Variants in AOPEP observed in about 807,000 individuals in gnomAD.
AOPEP encodes aminopeptidase O (putative).
A neutral mutation model predicts 98.1 loss-of-function variants in AOPEP; 77 were observed. The ratio of observed to expected loss-of-function variants is 0.78; its 90% confidence interval spans 0.65 to 0.95. The LOEUF (loss-of-function observed/expected upper bound fraction) is 0.95. AOPEP is among the 40% of genes least tolerant of loss of function. The pLI is 0.00. For missense variants in AOPEP, 1,024 were observed against 1,024.7 expected (o/e 1.00, Z 0.01); for synonymous variants, 346 against 365.3 (o/e 0.95, Z 0.60).
At chr9:95,096,439 G>C in the AOPEP span, among the ~76,000 whole-genome samples, 1 of 152,148 alleles carries the variant, frequency 6.6e-6, no homozygotes, top group Admixed American at 6.5e-5. Flanking sequence ...GGTGGGTGCG[G>C]GAGGTGGGTG....
At chr9:95,060,288 C>T (rs2067215425) in intron 13 of AOPEP, among the ~76,000 whole-genome samples, 1 of 152,186 alleles carries the variant, frequency 6.6e-6, no homozygotes, top group African/African-American at 2.4e-5. Flanking sequence ...CATCTTAGTT[C>T]TGTGAAATTT....
chr9:95,029,629 G>A (rs1760724677), intron 13 of AOPEP, among the ~76,000 whole-genome samples: 1 of 152,122 alleles, frequency 6.6e-6, no homozygotes, highest in African/African-American at 2.4e-5. Flanking sequence ...TCCAGTATTT[G>A]TTGTCCTTCT....
At chr9:95,070,128 A>G (rs762089892) in intron 14 of AOPEP, among the ~76,000 whole-genome samples, 5 of 152,212 alleles carry the variant, frequency 3.3e-5, no homozygotes, top group Non-Finnish European at 7.3e-5. Flanking sequence ...GAGCAGGTAG[A>G]CGGCCTCCAC....
At chr9:94,831,479 G>A (rs1338487382) in intron 5 of AOPEP, among the ~76,000 whole-genome samples, 3 of 152,036 alleles carry the variant, frequency 2.0e-5, no homozygotes, top group African/African-American at 7.2e-5. Context: ...GTTTGAAGTT[G>A]GGTAGTGGGA....
At chr9:94,742,222 G>C (rs1833297317) in intron 1 of AOPEP, among the ~76,000 whole-genome samples, 1 of 152,094 alleles carries the variant, frequency 6.6e-6, no homozygotes, top group Non-Finnish European at 1.5e-5. Context: ...CATTGATTGG[G>C]TCGAGTTACA....
the AOPEP span, chr9:95,110,322 C>T: frequency 2.0e-6 from 2 of 1,016,458 alleles, no homozygotes; most frequent in Non-Finnish European, 2.4e-6. Context: ...TATCTACCAA[C>T]TTAGCTTATT....
chr9:95,051,065 T>C (rs543461198), intron 13 of AOPEP, among the ~76,000 whole-genome samples: 13 of 151,238 alleles, frequency 8.6e-5, no homozygotes, highest in Middle Eastern at 3.4e-3. Context: ...TATGTTGTTA[T>C]CTCTAAAATG....
intron 5 of AOPEP, among the ~76,000 whole-genome samples, chr9:94,813,095 A>G (rs1002023354): frequency 2.6e-5 from 4 of 152,116 alleles, no homozygotes; most frequent in Non-Finnish European, 4.4e-5. Context: ...AATAACATTG[A>G]TTAGTGATTG....
At chr9:95,098,379 A>C in the AOPEP span, among the ~76,000 whole-genome samples, 2 of 152,198 alleles carry the variant, frequency 1.3e-5, no homozygotes, top group East Asian at 3.9e-4. Context: ...ACCTTGTCCC[A>C]CCACTTAGAC....
chr9:95,002,517 A>G (rs1381664215), intron 11 of AOPEP, among the ~76,000 whole-genome samples: 2 of 152,238 alleles, frequency 1.3e-5, no homozygotes, highest in Non-Finnish European at 2.9e-5. Flanking sequence ...CTCAGTTATA[A>G]TAAATATACT....
chr9:94,793,013 T>G (rs1846075388), intron 4 of AOPEP, 95 bp downstream of exon 4: 18 of 1,362,458 alleles, frequency 1.3e-5, no homozygotes, highest in Non-Finnish European at 1.6e-5. Flanking sequence ...ATGTGAGTCA[T>G]TCCTGCTGAG....
At chr9:95,086,268 C>G (rs2070686388) in intron 16 of AOPEP, 2 of 1,211,258 alleles carry the variant, frequency 1.7e-6, no homozygotes, top group African/African-American at 1.6e-5. Flanking sequence ...CTTGGAAAAC[C>G]CTGTTGGCAG....
the AOPEP span, chr9:95,110,311 A>C: frequency 5.6e-4 from 566 of 1,015,418 alleles, no homozygotes; most frequent in Non-Finnish European, 6.5e-4. Context: ...AATTGAACAC[A>C]TATCTACCAA....
At position 94,858,433 on chromosome 9, in the gene AOPEP, A is replaced by G. The variant is rs76617936; in HGVS notation, c.1364+57431A>G. On this transcript the variant is annotated intron_variant, in intron 5 of 16. Coordinates refer to ENST00000375315, the MANE Select transcript of AOPEP (RefSeq NM_001193329.3). ...CAGTTCTGGAGACCAGAAGGCTGAA[A>G]TCAGTACGACCAGTAGGCTAAAATC... Among the ~76,000 whole-genome samples, 967 of 152,352 alleles carry G rather than the reference A, an allele frequency of 6.3e-3. 9 individuals are homozygous for G. Among genetic ancestry groups the G allele is most frequent in the African/African-American group, 0.022 (920 of 41,586 alleles).
At chr9:95,057,714 T>C (rs1200994226) in intron 13 of AOPEP, among the ~76,000 whole-genome samples, 4 of 152,238 alleles carry the variant, frequency 2.6e-5, no homozygotes, top group Non-Finnish European at 4.4e-5. Flanking sequence ...TCACTGATTT[T>C]TTTTCCCTAC....
At chr9:94,776,870 ACTTT>A (rs1385155078) in intron 3 of AOPEP, among the ~76,000 whole-genome samples, 12 of 149,428 alleles carry the variant, frequency 8.0e-5, no homozygotes, top group African/African-American at 1.7e-4. Context: ...AAGTATTTAG[ACTTT>A]CTTCATTCTT....
At chr9:94,992,592 T>C (rs1327523551) in intron 11 of AOPEP, among the ~76,000 whole-genome samples, 6 of 152,204 alleles carry the variant, frequency 3.9e-5, no homozygotes. Flanking sequence ...AGTCCTATAG[T>C]GGATGAAGAC....
At chr9:95,002,310 G>A (rs2061613190) in intron 11 of AOPEP, among the ~76,000 whole-genome samples, 1 of 150,764 alleles carries the variant, frequency 6.6e-6, no homozygotes, top group South Asian at 2.1e-4. Context: ...TCTAGTATAT[G>A]CCAGGCAATG....
At chr9:94,731,448 G>A (rs1485146933) in intron 1 of AOPEP, among the ~76,000 whole-genome samples, 2 of 151,762 alleles carry the variant, frequency 1.3e-5, no homozygotes, top group Admixed American at 6.6e-5. Context: ...GGATGGTCTC[G>A]ATCTCCTGAC....
Sources: gnomAD v4.1 joint callset for allele counts (sites outside exome capture counted in the v4.1 genomes callset) on GRCh38, gnomAD v4.1.1 for gene constraint, MANE v1.5 for transcripts, NCBI Gene and HGNC (gene_info 2026-07-23, HGNC 2026-07-21) for gene names.